The following MIGA1 variants were observed in gnomAD, a reference collection of about 807,000 sequenced individuals.
The protein encoded by MIGA1 is mitoguardin 1.
In MIGA1, 58 loss-of-function variants were observed where a neutral mutation model predicts 82.0. The observed-to-expected ratio is 0.71, with a 90% CI of 0.57 to 0.88. The LOEUF is 0.88. MIGA1 is among the 40% of genes least tolerant of loss of function. The pLI is 0.00. For synonymous variants in MIGA1, 249 were observed against 253.6 expected (o/e 0.98, Z 0.17); for missense variants, 751 against 749.1 (o/e 1.00, Z -0.03).
chr1:77,869,882 C>T (rs1685863027), intron 14 of MIGA1, among the ~76,000 whole-genome samples: 1 of 125,040 alleles, frequency 8.0e-6, no homozygotes, highest in African/African-American at 3.1e-5. Flanking sequence ...CCCCACCTCC[C>T]TCCCGGACGG....
At position 77,847,927 on chromosome 1, in the gene MIGA1, G is replaced by A. The variant is rs569574583; in HGVS notation, c.996+4520G>A. The A allele has an allele frequency of 1.3e-4, 188 of 1,405,078 alleles. 2 individuals carry two copies. The South Asian group carries it at 1.9e-3, about 14-fold the overall frequency. 87.0% of individuals were successfully genotyped at this position (1,405,078 alleles called of 1,614,324 possible). A position where few individuals can be genotyped will look rare whatever the true frequency, so the allele number is the denominator to read the frequency against. On this transcript the variant is annotated intron_variant, in intron 8 of 15. Transcript: ENST00000370791. Reference sequence around the variant, plus strand: ...GATGATGAAATAAAGAAACTAGAGTGAACTGCAGAAGGGAAAAGGTCGTAG... The same window carrying A: ...GATGATGAAATAAAGAAACTAGAGTAAACTGCAGAAGGGAAAAGGTCGTAG...
chr1:77,841,197 T>C (rs1457213865), intron 7 of MIGA1, among the ~76,000 whole-genome samples: 3 of 152,182 alleles, frequency 2.0e-5, no homozygotes, highest in Admixed American at 2.0e-4. Flanking sequence ...CCATTAATAG[T>C]CATTTAGTAG....
chr1:77,873,893 A>T (rs979446006), intron 15 of MIGA1, among the ~76,000 whole-genome samples: 1 of 152,168 alleles, frequency 6.6e-6, no homozygotes. Context: ...TTTGTAGTTT[A>T]CTTGACCACC....
chr1:77,831,109 T>C (rs1487225727), intron 7 of MIGA1, among the ~76,000 whole-genome samples: 2 of 152,220 alleles, frequency 1.3e-5, no homozygotes, highest in Non-Finnish European at 2.9e-5. Context: ...TCACAATTGA[T>C]GTGCCCTCAG....
intron 5 of MIGA1, among the ~76,000 whole-genome samples, chr1:77,807,888 G>A (rs1167138359): frequency 1.3e-5 from 2 of 151,718 alleles, no homozygotes; most frequent in African/African-American, 4.8e-5. Flanking sequence ...GTGCAACATC[G>A]GCTCACCGCA....
intron 8 of MIGA1, among the ~76,000 whole-genome samples, chr1:77,849,414 A>G (rs1684964212): frequency 1.3e-5 from 2 of 152,320 alleles, no homozygotes; most frequent in Middle Eastern, 3.4e-3. Context: ...CCTTTTTTTA[A>G]ATAAATAATT....
intron 7 of MIGA1, among the ~76,000 whole-genome samples, chr1:77,837,381 C>T (rs990541233): frequency 6.6e-6 from 1 of 152,060 alleles, no homozygotes; most frequent in Non-Finnish European, 1.5e-5. Flanking sequence ...GACACCAGGG[C>T]TCCGTAGTTT....
chr1:77,852,728 T>A (rs1265999485), intron 8 of MIGA1, among the ~76,000 whole-genome samples: 4 of 152,188 alleles, frequency 2.6e-5, no homozygotes, highest in African/African-American at 9.7e-5. Context: ...TCTCACTCTG[T>A]CTCCCAAGCT....
chr1:77,834,159 C>T (rs1557918494), intron 7 of MIGA1, among the ~76,000 whole-genome samples: 1 of 151,952 alleles, frequency 6.6e-6, no homozygotes, highest in African/African-American at 2.4e-5. Context: ...ATTCCCACCA[C>T]CTCATCATAT....
intron 4 of MIGA1, among the ~76,000 whole-genome samples, chr1:77,806,721 C>T (rs965942438): frequency 5.3e-5 from 8 of 152,088 alleles, no homozygotes; most frequent in African/African-American, 1.7e-4. Context: ...AACATAACTG[C>T]CTGATTTCTG....
chr1:77,837,743 C>T (rs1684485237), intron 7 of MIGA1, among the ~76,000 whole-genome samples: 2 of 152,158 alleles, frequency 1.3e-5, no homozygotes, highest in South Asian at 2.1e-4. Context: ...AGCATTCCCA[C>T]TTAAAATTCT....
chr1:77,859,239 T>C (rs1367964230), intron 9 of MIGA1, 75 bp from the exon 10 acceptor site: 15 of 1,257,032 alleles, frequency 1.2e-5, no homozygotes, highest in Admixed American at 6.8e-5. Flanking sequence ...AGGTTAAGCC[T>C]TGTTTGAATC....
chr1:77,843,380 C>G lies in MIGA1; in HGVS notation c.969C>G (p.Ser323=). 6.2e-7 allele frequency: 1 copy of G among 1,613,974 alleles called. No individual in the cohort carries two copies. The highest frequency in any genetic ancestry group is 8.5e-7 in the Non-Finnish European group (1 of 1,179,844). Reference sequence around the variant, plus strand: ...TGCGAGACACCTTGAGCATCGCATCCACGGATTCCTTTGCTTCCGCAGCAG... The same window carrying G: ...TGCGAGACACCTTGAGCATCGCATCGACGGATTCCTTTGCTTCCGCAGCAG... Residue 323 remains serine (S), a synonymous_variant, in exon 8 of 16, where the codon TCC becomes TCG. Coordinates refer to ENST00000370791, the MANE Select transcript of MIGA1 (RefSeq NM_198549.4).
At position 77,873,007 on chromosome 1, in the gene MIGA1, C is replaced by T; in HGVS notation, c.1567C>T (p.Pro523Ser). The T allele has an allele frequency of 6.2e-7, 1 of 1,613,880 alleles. No individual in the cohort carries two copies. The highest frequency in any genetic ancestry group is 8.5e-7 in the Non-Finnish European group (1 of 1,179,996). ...ATTCTCCTTTACTTCCCAGCAGATC[C>T]CAGATGGATTTTTTGCCCATTTTTA... The change falls in exon 15 of 16, where the codon CCA (proline) becomes TCA (serine). Residue 523 changes from proline (P) to serine (S), a missense_variant. Around this residue, in one of 3 missense-constraint regions of MIGA1, gnomAD observed 265 missense variants for 293.6 expected, o/e 0.90. Transcript: ENST00000370791.
chr1:77,837,253 A>AT (rs1684467469), intron 7 of MIGA1, among the ~76,000 whole-genome samples: 1 of 152,200 alleles, frequency 6.6e-6, no homozygotes, highest in African/African-American at 2.4e-5. Flanking sequence ...GTATGTTTTA[A>AT]TAAGATGTTT....
intron 9 of MIGA1, 28 bp from the exon 10 acceptor site, chr1:77,859,286 A>G: frequency 6.4e-7 from 1 of 1,564,054 alleles, no homozygotes; most frequent in Non-Finnish European, 8.8e-7. Flanking sequence ...ATGTAGTTTA[A>G]CAATTGTCTC....
In MIGA1 at chr1:77,859,321, A is replaced by G. The variant is rs1240777277; in HGVS notation, c.1123A>G (p.Met375Val). 3.7e-6 allele frequency: 6 copies of G among 1,611,844 alleles called. No homozygotes were observed. ...CCCCTGTTTATTACATAGAACTGAAATGTTGGAGTGCCTAGGAGACAGTGA... is the reference window on the plus strand; with the variant it reads ...CCCCTGTTTATTACATAGAACTGAAGTGTTGGAGTGCCTAGGAGACAGTGA... Residue 375 changes from methionine to valine, a missense_variant, in exon 10 of 16, where the codon ATG (methionine) becomes GTG (valine). Met to Val is a conservative substitution (Grantham distance 21, BLOSUM62 1). Around this residue, in one of 3 missense-constraint regions of MIGA1, gnomAD observed 4 missense variants for 16.0 expected, o/e 0.25. Transcript: ENST00000370791.
intron 14 of MIGA1, 123 bp downstream of exon 14, chr1:77,866,514 C>T: frequency 1.2e-6 from 1 of 869,348 alleles, no homozygotes; most frequent in Non-Finnish European, 1.9e-6. Context: ...GACTGTCCCT[C>T]AGGCTAGATG....
rs184212941 is a variant in MIGA1 at position 77,832,313 on chromosome 1, G to A, written c.896-10994G>A. Among the ~76,000 whole-genome samples the A allele has an allele frequency of 2.8e-3, 428 of 152,280 alleles. 5 individuals carry two copies. Among genetic ancestry groups the A allele is most frequent in the African/African-American group, 9.7e-3 (403 of 41,546 alleles). The stretch of plus-strand genomic sequence containing the variant: ...ATCTTGGGTCTGTAATATTTATTTA[G>A]CAAACATTTAATTTCCTAGTATATG... On this transcript the variant is annotated intron_variant, in intron 7 of 15. Coordinates refer to ENST00000370791, the MANE Select transcript of MIGA1 (RefSeq NM_198549.4).
Sources: gnomAD v4.1 joint callset for allele counts (sites outside exome capture counted in the v4.1 genomes callset) on GRCh38, gnomAD v4.1.1 for gene constraint, gnomAD v4.1.1 regional missense constraint, MANE v1.5 for transcripts, NCBI Gene and HGNC (gene_info 2026-07-23, HGNC 2026-07-21) for gene names.